Variants in CNGB1 observed in about 807,000 individuals in gnomAD.
CNGB1 encodes the protein cyclic nucleotide-gated channel beta-1.
Under a neutral mutation model 151.7 loss-of-function variants are expected in CNGB1, and 126 were observed. The observed-to-expected ratio is 0.83, with a 90% CI of 0.72 to 0.96. The LOEUF (loss-of-function observed/expected upper bound fraction) is 0.96. Ranked by LOEUF, CNGB1 falls within the 40% of genes least tolerant of loss-of-function variation. The pLI, the probability that CNGB1 is intolerant of heterozygous loss-of-function variation, is 0.00. For synonymous variants in CNGB1, 623 were observed against 635.1 expected (o/e 0.98, Z 0.29); for missense variants, 1,698 against 1,627.0 (o/e 1.04, Z -0.75).
At chr16:57,918,348 G>A (rs561986598) in intron 20 of CNGB1, among the ~76,000 whole-genome samples, 33 of 152,240 alleles carry the variant, frequency 2.2e-4, no homozygotes, top group African/African-American at 7.2e-4. Flanking sequence ...CCTTGAGAAA[G>A]TCCCTCTCTG....
chr16:57,889,366 C>T (rs1042798292), intron 31 of CNGB1, among the ~76,000 whole-genome samples: 9 of 152,256 alleles, frequency 5.9e-5, no homozygotes, highest in Middle Eastern at 6.8e-3. Flanking sequence ...ATGGCAAGGA[C>T]CTGAGGCCAG....
At chr16:57,955,407 A>T (rs1425336963) in intron 12 of CNGB1, 226 of 1,521,292 alleles carry the variant, frequency 1.5e-4, no homozygotes, top group Non-Finnish European at 2.0e-4. Flanking sequence ...GGCTGGGTGG[A>T]CAGGCGGAGG....
chr16:57,919,410 T>C (rs691483), intron 19 of CNGB1, among the ~76,000 whole-genome samples, 156 bp from the exon 20 acceptor site: 59,197 of 151,998 alleles, frequency 0.39, 11,713 homozygotes, highest in East Asian at 0.66. Flanking sequence ...GAACCCAAGG[T>C]GCTCTTCTGG....
chr16:57,952,588 C>T (rs1961980808), intron 12 of CNGB1, among the ~76,000 whole-genome samples: 2 of 149,550 alleles, frequency 1.3e-5, no homozygotes, highest in Non-Finnish European at 3.0e-5. Flanking sequence ...CTGCAACCTC[C>T]GCCTCCCATT....
chr16:57,962,517 C>T, intron 7 of CNGB1, 48 bp downstream of exon 7: 1 of 1,569,084 alleles, frequency 6.4e-7, no homozygotes, highest in Non-Finnish European at 8.8e-7. Flanking sequence ...ACCTGTTCCT[C>T]CCACCCACAC....
rs1567379670 is a variant in CNGB1 at position 57,923,292 on chromosome 16, T to C, written c.1624A>G (p.Thr542Ala). 1 of 1,570,530 alleles carries C rather than the reference T, an allele frequency of 6.4e-7. No individual in the cohort carries two copies. Among genetic ancestry groups the C allele is most frequent in the East Asian group, 2.6e-5 (1 of 38,124 alleles). ...ESPVVAWSDP[T>A]TPKDTDGQDR... Reference sequence around the variant, plus strand: ...TCTCACTCAGTGTCCTTCGGGGTGGTGGGGTCAGACCAGGCAACCACTGGG... The same window carrying C: ...TCTCACTCAGTGTCCTTCGGGGTGGCGGGGTCAGACCAGGCAACCACTGGG... The change falls in exon 18 of 33, where the codon ACC becomes GCC. Residue 542 changes from threonine (T) to alanine (A), a missense_variant. Physicochemically the swap from Thr to Ala is moderately conservative, Grantham distance 58 (BLOSUM62 0). Coordinates refer to ENST00000251102, the MANE Select transcript of CNGB1 (RefSeq NM_001297.5).
chr16:57,949,315 C>T (rs201590460), intron 14 of CNGB1, 38 bp downstream of exon 14: 1 of 1,603,668 alleles, frequency 6.2e-7, no homozygotes, highest in Non-Finnish European at 8.5e-7. Context: ...CAACCCCAGC[C>T]CCAGGGCCGT....
chr16:57,916,144 C>T lies in CNGB1; in HGVS notation c.2202G>A (p.Lys734=). Residue 734 remains lysine, a synonymous_variant, in exon 22 of 33, where the codon AAG becomes AAA. Transcript: ENST00000251102. ...DKKDMRNNYL[K]SRRFKMDLLS... ...CGGCACACACCTTGAAGCGGCGAGACTTCAGGTAGTTATTTCGCATGTCCT... is the reference window on the plus strand; with the variant it reads ...CGGCACACACCTTGAAGCGGCGAGATTTCAGGTAGTTATTTCGCATGTCCT... 1 of 1,614,090 alleles carries T rather than the reference C, an allele frequency of 6.2e-7. No homozygotes were observed. Among genetic ancestry groups the T allele is most frequent in the South Asian group, 1.1e-5 (1 of 91,074 alleles).
intron 19 of CNGB1, among the ~76,000 whole-genome samples, chr16:57,919,494 C>G (rs1382826426): frequency 6.6e-6 from 1 of 152,180 alleles, no homozygotes; most frequent in African/African-American, 2.4e-5. Context: ...CAATTACAGT[C>G]TGGAACTGCT....
At chr16:57,917,516 G>A (rs1960904715) in intron 20 of CNGB1, 40 bp from the exon 21 acceptor site, 2 of 1,600,916 alleles carry the variant, frequency 1.2e-6, no homozygotes, top group Non-Finnish European at 8.6e-7. Flanking sequence ...GCATCAGCCA[G>A]GCAAGGCTCT....
intron 23 of CNGB1, among the ~76,000 whole-genome samples, chr16:57,914,430 G>A (rs1458887918): frequency 2.0e-5 from 3 of 152,158 alleles, no homozygotes; most frequent in Non-Finnish European, 4.4e-5. Flanking sequence ...TTCTCATCAG[G>A]GCACTTGCAC....
intron 16 of CNGB1, among the ~76,000 whole-genome samples, chr16:57,938,304 G>T (rs187596811): frequency 6.6e-6 from 1 of 152,300 alleles, no homozygotes; most frequent in East Asian, 1.9e-4. Flanking sequence ...CTATAAATAT[G>T]TGTTGAAGTT....
At chr16:57,909,876 C>A (rs1418483967) in intron 25 of CNGB1, among the ~76,000 whole-genome samples, 1 of 152,178 alleles carries the variant, frequency 6.6e-6, no homozygotes, top group Non-Finnish European at 1.5e-5. Context: ...ACCGTGTAAC[C>A]TTGGGAACTC....
At chr16:57,933,986 G>A (rs1224132770) in intron 16 of CNGB1, among the ~76,000 whole-genome samples, 2 of 152,082 alleles carry the variant, frequency 1.3e-5, no homozygotes, top group Non-Finnish European at 1.5e-5. Flanking sequence ...GCCTCCCAAA[G>A]TGCTGGGATT....
intron 16 of CNGB1, among the ~76,000 whole-genome samples, chr16:57,937,749 C>T (rs2149375112): frequency 6.6e-6 from 1 of 152,360 alleles, no homozygotes; most frequent in African/African-American, 2.4e-5. Flanking sequence ...ACTAATTTCA[C>T]TTCCAACCAG....
intron 31 of CNGB1, 61 bp from the exon 32 acceptor site, chr16:57,888,135 C>A: frequency 6.6e-7 from 1 of 1,521,654 alleles, no homozygotes. Context: ...GAAAGACTCG[C>A]TTCTGCAGCC....
At chr16:57,909,734 G>T (rs1195814428) in intron 25 of CNGB1, among the ~76,000 whole-genome samples, 1 of 152,156 alleles carries the variant, frequency 6.6e-6, no homozygotes, top group Non-Finnish European at 1.5e-5. Context: ...ACTTTTGGTG[G>T]AATCAACAGT....
chr16:57,917,393 G>T lies in CNGB1; in HGVS notation c.2041C>A (p.Pro681Thr). Residue 681 changes from proline (P) to threonine (T), a missense_variant, in exon 21 of 33, where the codon CCC becomes ACC. Transcript: ENST00000251102. ...CWLIPVRWAF[P>T]YQTPDNIHHW... ...TGGATGTTGTCCGGGGTCTGGTAGG[G>T]GAAGGCCCAGCGCACGGGAATCAGC... The T allele has an allele frequency of 6.2e-7, 1 of 1,614,076 alleles. No homozygotes were observed. Among genetic ancestry groups the T allele is most frequent in the Non-Finnish European group, 8.5e-7 (1 of 1,180,014 alleles).
Position 57,897,379 on chromosome 16 carries a change from G to GA in CNGB1, c.3242+17dup. On this transcript the variant is annotated intron_variant, in intron 31 of 32. Transcript: ENST00000251102. ...TGTCCTTAGCAATTTTTTATTAAAC[G>GA]AAAGAAAAGTTACATACCTGGCTTT... 1 of 1,612,190 alleles carries GA rather than the reference G, an allele frequency of 6.2e-7. No individual in the cohort carries two copies. The highest frequency in any genetic ancestry group is 1.1e-5 in the South Asian group (1 of 90,994).
Sources: gnomAD v4.1 joint callset for allele counts (sites outside exome capture counted in the v4.1 genomes callset) on GRCh38, gnomAD v4.1.1 for gene constraint, MANE v1.5 for transcripts, NCBI Gene and HGNC (gene_info 2026-07-23, HGNC 2026-07-21) for gene names.